The following MCEE variants were observed in gnomAD, a reference collection of about 807,000 sequenced individuals.
MCEE encodes the protein methylmalonyl-CoA epimerase, mitochondrial.
Under a neutral mutation model 12.9 loss-of-function variants are expected in MCEE, and 6 were observed. That is an observed-to-expected ratio of 0.47 (90% CI 0.26 to 0.92). The LOEUF (loss-of-function observed/expected upper bound fraction) is 0.92, where lower values mean the gene tolerates loss of function less well. MCEE is among the 40% of genes least tolerant of loss of function. The pLI, the probability that MCEE is intolerant of heterozygous loss-of-function variation, is 0.16. For missense variants in MCEE, 214 were observed against 212.1 expected (o/e 1.01, Z -0.05); for synonymous variants, 78 against 77.9 (o/e 1.00, Z -0.01).
chr2:71,119,330 T>C (rs1673054749), intron 2 of MCEE, among the ~76,000 whole-genome samples: 1 of 150,124 alleles, frequency 6.7e-6, no homozygotes, highest in Non-Finnish European at 1.5e-5. Flanking sequence ...CTGAAAACTG[T>C]AGGCAAGTGT....
chr2:71,129,538 A>C (rs1230996272), intron 1 of MCEE, among the ~76,000 whole-genome samples: 1 of 152,114 alleles, frequency 6.6e-6, no homozygotes, highest in African/African-American at 2.4e-5. Context: ...GAGTCAGAAA[A>C]CGTGACAATT....
chr2:71,129,495 A>AG (rs942356309), intron 1 of MCEE, among the ~76,000 whole-genome samples: 3 of 96,900 alleles, frequency 3.1e-5, no homozygotes, highest in Admixed American at 1.2e-4. Flanking sequence ...AAGGAGGAAG[A>AG]GAAAAAAAAA....
chr2:71,118,021 TG>T (rs1673028226), intron 2 of MCEE, among the ~76,000 whole-genome samples: 1 of 150,192 alleles, frequency 6.7e-6, no homozygotes. Flanking sequence ...CCATGTGAGC[TG>T]GGCCACTCCC....
chr2:71,128,143 A>G (rs1673278711), intron 1 of MCEE, among the ~76,000 whole-genome samples: 1 of 152,184 alleles, frequency 6.6e-6, no homozygotes, highest in African/African-American at 2.4e-5. Context: ...CATTTCTGTT[A>G]GCCCATTTAC....
At chr2:71,120,926 G>T (rs911059264) in intron 2 of MCEE, among the ~76,000 whole-genome samples, 1 of 152,048 alleles carries the variant, frequency 6.6e-6, no homozygotes, top group Non-Finnish European at 1.5e-5. Context: ...TAGTAGAGAT[G>T]GGGTTTCACC....
Position 71,113,873 on chromosome 2 carries a change from G to A in MCEE, c.379-3751C>T, listed in dbSNP as rs145502091. 4.9e-4 allele frequency among the ~76,000 whole-genome samples: 74 copies of A among 152,314 alleles called. 2 individuals are homozygous for A. In the East Asian group the frequency reaches 0.014, roughly 29 times the overall value. ...TGGGAGATCAAGGTTAATATCAACA[G>A]TAGTAAGTCATGTTGATAGTATGAA... On this transcript the variant is annotated intron_variant, in intron 2 of 2. Coordinates refer to ENST00000244217, the MANE Select transcript of MCEE (RefSeq NM_032601.4).
At chr2:71,123,309 T>C (rs540000213) in intron 2 of MCEE, among the ~76,000 whole-genome samples, 22 of 152,118 alleles carry the variant, frequency 1.4e-4, no homozygotes, top group Non-Finnish European at 2.9e-4. Flanking sequence ...CTGACCAACA[T>C]GGTGAAACCT....
At chr2:71,118,694 G>A (rs1182511407) in intron 2 of MCEE, among the ~76,000 whole-genome samples, 1 of 149,808 alleles carries the variant, frequency 6.7e-6, no homozygotes, top group Non-Finnish European at 1.5e-5. Flanking sequence ...TACTGCTCAT[G>A]AATGAGGCCT....
At chr2:71,128,493 A>G (rs1488488283) in intron 1 of MCEE, among the ~76,000 whole-genome samples, 1 of 152,062 alleles carries the variant, frequency 6.6e-6, no homozygotes, top group Non-Finnish European at 1.5e-5. Context: ...AATGTGGTAT[A>G]CACACACAAT....
At chr2:71,111,086 G>A (rs953468561) in intron 2 of MCEE, among the ~76,000 whole-genome samples, 2 of 152,104 alleles carry the variant, frequency 1.3e-5, no homozygotes, top group Non-Finnish European at 2.9e-5. Context: ...CAGTCAAACA[G>A]CTAATGAGGA....
intron 2 of MCEE, among the ~76,000 whole-genome samples, chr2:71,111,130 T>G (rs1312648457): frequency 6.6e-6 from 1 of 152,226 alleles, no homozygotes; most frequent in African/African-American, 2.4e-5. Flanking sequence ...TATGATTTCT[T>G]CATATGGCAC....
chr2:71,126,876 GAAGCTACCTTTTTA>G (rs1365093641), intron 1 of MCEE, among the ~76,000 whole-genome samples: 1 of 152,180 alleles, frequency 6.6e-6, no homozygotes, highest in African/African-American at 2.4e-5. Context: ...TACCAACACT[GAAGCTACCTTTTTA>G]AAGCTATTTT....
chr2:71,110,723 T>C (rs1423060904), intron 2 of MCEE: 1 of 153,730 alleles, frequency 6.5e-6, no homozygotes, highest in Non-Finnish European at 1.4e-5. Context: ...ACTTTAATGT[T>C]TTTGCAGCCT....
intron 1 of MCEE, among the ~76,000 whole-genome samples, chr2:71,128,045 G>C (rs1310326402): frequency 6.6e-6 from 1 of 152,178 alleles, no homozygotes; most frequent in African/African-American, 2.4e-5. Context: ...CATTTGACCA[G>C]TTAATTTCAC....
intron 2 of MCEE, among the ~76,000 whole-genome samples, chr2:71,110,326 C>A (rs1201076121): frequency 1.3e-5 from 2 of 152,148 alleles, no homozygotes; most frequent in Non-Finnish European, 2.9e-5. Flanking sequence ...AGGTAAGCAA[C>A]CACAATGCTC....
intron 1 of MCEE, among the ~76,000 whole-genome samples, chr2:71,125,865 T>C (rs137954417): frequency 6.6e-6 from 1 of 152,308 alleles, no homozygotes; most frequent in Non-Finnish European, 1.5e-5. Flanking sequence ...ACTTAGTAAG[T>C]TTCATTGTTA....
At chr2:71,124,185 G>A in intron 2 of MCEE, 21 bp downstream of exon 2, 2 of 1,536,100 alleles carry the variant, frequency 1.3e-6, no homozygotes, top group Non-Finnish European at 1.8e-6. Context: ...AAAATACCAG[G>A]CATTAAAATA....
intron 2 of MCEE, among the ~76,000 whole-genome samples, chr2:71,111,360 C>T (rs1672881822): frequency 1.3e-5 from 2 of 152,016 alleles, no homozygotes; most frequent in Non-Finnish European, 2.9e-5. Context: ...CAGACATTGT[C>T]AATTTTATCT....
chr2:71,117,625 C>T (rs1459892306), intron 2 of MCEE: 1 of 150,166 alleles, frequency 6.7e-6, no homozygotes, highest in East Asian at 1.9e-4. Flanking sequence ...GAAAATGAGT[C>T]ATCTATTGTC....
Sources: allele counts gnomAD v4.1 joint callset (sites outside exome capture counted in the v4.1 genomes callset), GRCh38; gene constraint gnomAD v4.1.1; transcripts MANE v1.5; gene names NCBI Gene and HGNC (gene_info 2026-07-23, HGNC 2026-07-21).